SIPA1L3: variants seen among roughly 807,000 people sequenced by gnomAD.
SIPA1L3 encodes the protein signal induced proliferation associated 1 like 3, also known as signal-induced proliferation-associated 1-like protein 3.
In SIPA1L3, 59 loss-of-function variants were observed where a neutral mutation model predicts 150.1. The ratio of observed to expected loss-of-function variants is 0.39; its 90% CI spans 0.32 to 0.49. The LOEUF is 0.49. Ranked by LOEUF, SIPA1L3 falls within the 20% of genes least tolerant of loss-of-function variation. The pLI, the probability that SIPA1L3 is intolerant of heterozygous loss-of-function variation, is 0.86. For missense variants in SIPA1L3, 2,211 were observed against 2,489.5 expected (o/e 0.89, Z 2.38); for synonymous variants, 1,070 against 1,077.6 (o/e 0.99, Z 0.14).
intron 1 of SIPA1L3, among the ~76,000 whole-genome samples, chr19:38,002,743 A>C (rs1191845645): frequency 7.0e-6 from 1 of 143,416 alleles, no homozygotes; most frequent in East Asian, 2.2e-4. Flanking sequence ...AAAAAAAAAA[A>C]ATTTATATGT....
In SIPA1L3 at chr19:38,076,063, C is replaced by T. The variant is rs182394737; in HGVS notation, c.-310-5193C>T. ...GGCTGAGGCAGGAGAATGGCGTAAC[C>T]TGGGAGGCGGAGATTGCAGTGAGCT... On this transcript the variant is annotated intron_variant, in intron 2 of 21. Coordinates refer to ENST00000222345, the MANE Select transcript of SIPA1L3 (RefSeq NM_015073.3). Among the ~76,000 whole-genome samples, 1,505 of 151,910 alleles carry T rather than the reference C, an allele frequency of 9.9e-3. 15 individuals carry two copies. Among genetic ancestry groups the T allele is most frequent in the Non-Finnish European group, 0.016 (1,065 of 67,942 alleles).
At chr19:37,938,740 A>G (rs1456526342) in intron 1 of SIPA1L3, among the ~76,000 whole-genome samples, 1 of 150,482 alleles carries the variant, frequency 6.6e-6, no homozygotes, top group African/African-American at 2.4e-5. Context: ...CTCCTGCCTC[A>G]GCCTCACGAG....
intron 10 of SIPA1L3, 67 bp from the exon 11 acceptor site, chr19:38,141,117 G>C: frequency 6.6e-5 from 73 of 1,107,480 alleles, no homozygotes; most frequent in Non-Finnish European, 7.9e-5. Flanking sequence ...GGAAAACCCA[G>C]CCTAGACAGC....
At chr19:38,174,193 G>T (rs964491835) in intron 15 of SIPA1L3, among the ~76,000 whole-genome samples, 3 of 152,172 alleles carry the variant, frequency 2.0e-5, no homozygotes, top group African/African-American at 7.2e-5. Context: ...TATCTCTGTT[G>T]AATCTCTTGC....
In SIPA1L3 at chr19:38,193,643, C is replaced by G. The variant is rs1169738703; in HGVS notation, c.4703C>G (p.Pro1568Arg). 1.3e-6 allele frequency: 2 copies of G among 1,579,370 alleles called. No individual in the cohort carries two copies. The highest frequency in any genetic ancestry group is 1.4e-5 in the African/African-American group (1 of 73,754). ...CCCGCTGGCCTAGAGCCAGGGCTGC[C>G]CAGCGACGTGCTCTTCACCAGCACC... ...ASPAGLEPGL[P>R]SDVLFTSTCA... is the part of the protein sequence containing the mutation. Residue 1568 changes from proline (P) to arginine (R), a missense_variant, in exon 18 of 22, where the codon CCC (proline) becomes CGC (arginine). Physicochemically the swap from Pro to Arg is moderately radical, Grantham distance 103. Coordinates refer to ENST00000222345, the MANE Select transcript of SIPA1L3 (RefSeq NM_015073.3).
rs762146476 is a variant in SIPA1L3 at position 38,119,698 on chromosome 19, A to C, written c.2684A>C (p.Glu895Ala). The C allele has an allele frequency of 1.2e-5, 19 of 1,613,992 alleles. No homozygotes were observed. Among genetic ancestry groups the C allele is most frequent in the Middle Eastern group, 1.6e-4 (1 of 6,084 alleles). Residue 895 changes from glutamate to alanine, a missense_variant, in exon 9 of 22, where the codon GAG becomes GCG. Physicochemically the swap from Glu to Ala is moderately radical, Grantham distance 107 (BLOSUM62 -1). Coordinates refer to ENST00000222345, the MANE Select transcript of SIPA1L3 (RefSeq NM_015073.3). ...GACTGCATTTTGGGAATTTCCAATG[A>C]GTTTGTGGTGCTCCTGGACTTACGC... ...EIDCILGISN[E>A]FVVLLDLRTK... is the part of the protein sequence containing the mutation.
chr19:38,178,089 GTGT>G (rs1568594678), intron 15 of SIPA1L3, among the ~76,000 whole-genome samples: 10 of 8,090 alleles, frequency 1.2e-3, no homozygotes, highest in South Asian at 8.8e-3. Flanking sequence ...GGCTTTTGGT[GTGT>G]GTGTGTGTGT....
At chr19:37,949,688 G>T (rs2046744474) in intron 1 of SIPA1L3, among the ~76,000 whole-genome samples, 1 of 151,728 alleles carries the variant, frequency 6.6e-6, no homozygotes, top group Admixed American at 6.6e-5. Flanking sequence ...TTGGAGAGGG[G>T]ACTCTAGGAA....
intron 1 of SIPA1L3, among the ~76,000 whole-genome samples, chr19:38,023,982 C>T (rs1382293441): frequency 2.0e-5 from 3 of 151,920 alleles, no homozygotes; most frequent in South Asian, 2.1e-4. Context: ...AATCTCTGGC[C>T]GGTTAGATTG....
chr19:38,187,451 T>C (rs1972708241), intron 16 of SIPA1L3, among the ~76,000 whole-genome samples: 1 of 139,134 alleles, frequency 7.2e-6, no homozygotes, highest in Non-Finnish European at 1.5e-5. Context: ...AAACTCTTTC[T>C]CAAAAAAAAG....
At chr19:38,039,049 A>C (rs757423958) in intron 2 of SIPA1L3, among the ~76,000 whole-genome samples, 9 of 151,872 alleles carry the variant, frequency 5.9e-5, no homozygotes, top group Non-Finnish European at 8.8e-5. Context: ...CGCCTGGCTA[A>C]TTTTTTGTAT....
intron 1 of SIPA1L3, among the ~76,000 whole-genome samples, chr19:37,922,503 C>G (rs1235358509): frequency 1.3e-5 from 2 of 152,030 alleles, no homozygotes; most frequent in Non-Finnish European, 2.9e-5. Flanking sequence ...CAGCGATTCT[C>G]CTGCCTCAGC....
chr19:37,914,562 G>A (rs529354496), intron 1 of SIPA1L3, among the ~76,000 whole-genome samples: 16 of 151,868 alleles, frequency 1.1e-4, no homozygotes, highest in African/African-American at 3.6e-4. Flanking sequence ...TTTAATAGAG[G>A]AGACAGGTTA....
At chr19:38,012,886 C>G (rs1968137662) in intron 1 of SIPA1L3, among the ~76,000 whole-genome samples, 1 of 152,148 alleles carries the variant, frequency 6.6e-6, no homozygotes, top group African/African-American at 2.4e-5. Context: ...AACGAGAGGC[C>G]TCTTGTTTGT....
At chr19:38,153,935 G>GA (rs1001148598) in intron 13 of SIPA1L3, among the ~76,000 whole-genome samples, 4 of 150,374 alleles carry the variant, frequency 2.7e-5, no homozygotes, top group Admixed American at 1.3e-4. Flanking sequence ...CTCTGTCTCA[G>GA]AAAAAAAAAG....
chr19:38,132,609 A>T (rs1377728681), intron 10 of SIPA1L3, among the ~76,000 whole-genome samples: 6 of 150,538 alleles, frequency 4.0e-5, no homozygotes, highest in Non-Finnish European at 8.9e-5. Flanking sequence ...AGAAAAAAAG[A>T]ATTCTCCTAT....
intron 4 of SIPA1L3, among the ~76,000 whole-genome samples, chr19:38,099,757 C>G (rs1195200696): frequency 6.6e-6 from 1 of 152,174 alleles, no homozygotes; most frequent in Non-Finnish European, 1.5e-5. Context: ...AGCTGAGGCT[C>G]AGAGATATGA....
At chr19:38,159,265 C>T (rs1972020015) in intron 13 of SIPA1L3, among the ~76,000 whole-genome samples, 1 of 152,196 alleles carries the variant, frequency 6.6e-6, no homozygotes, top group Non-Finnish European at 1.5e-5. Context: ...GTCACCCGGG[C>T]CACCTTCCCC....
chr19:37,954,492 G>A (rs56300335), intron 1 of SIPA1L3, among the ~76,000 whole-genome samples: 37,972 of 152,092 alleles, frequency 0.25, 5,918 homozygotes, highest in Non-Finnish European at 0.36. Flanking sequence ...CGGGTGGGCA[G>A]TGGGGAAGGA....
Sources: gnomAD v4.1 joint callset for allele counts (sites outside exome capture counted in the v4.1 genomes callset) on GRCh38, gnomAD v4.1.1 for gene constraint, MANE v1.5 for transcripts, NCBI Gene and HGNC (gene_info 2026-07-23, HGNC 2026-07-21) for gene names.